The following PELI2 variants were observed in gnomAD, a reference collection of about 807,000 sequenced individuals.
PELI2 encodes the protein E3 ubiquitin-protein ligase pellino homolog 2.
In PELI2, 23 loss-of-function variants were observed where a neutral mutation model predicts 42.3. The ratio of observed to expected loss-of-function variants is 0.54; its 90% CI spans 0.39 to 0.77. The LOEUF (loss-of-function observed/expected upper bound fraction) is 0.77. Among genes scored for constraint, PELI2 ranks in the 30% least tolerant of loss-of-function variants. The pLI, the probability that PELI2 is intolerant of heterozygous loss-of-function variation, is 0.00. For synonymous variants in PELI2, 245 were observed against 212.2 expected, an observed-to-expected ratio of 1.15 and a Z score of -1.34; for missense variants, 463 against 553.2, an observed-to-expected ratio of 0.84 and a Z score of 1.64.
At chr14:56,286,892 A>G (rs367688189) in intron 3 of PELI2, among the ~76,000 whole-genome samples, 2 of 152,234 alleles carry the variant, frequency 1.3e-5, no homozygotes, top group African/African-American at 4.8e-5. Flanking sequence ...GATAAGTGTC[A>G]TGACTTAAAA....
At chr14:56,193,496 T>A (rs74475695) in intron 2 of PELI2, among the ~76,000 whole-genome samples, 1 of 152,160 alleles carries the variant, frequency 6.6e-6, no homozygotes, top group African/African-American at 2.4e-5. Context: ...AAGGGAAATA[T>A]TGTTTCCTAA....
At chr14:56,154,876 CGG>C (rs1884492227) in intron 1 of PELI2, among the ~76,000 whole-genome samples, 1 of 152,104 alleles carries the variant, frequency 6.6e-6, no homozygotes, top group South Asian at 2.1e-4. Context: ...ACATTCTTAA[CGG>C]TAGTATGTTA....
chr14:56,231,553 A>T (rs1010295082), intron 2 of PELI2, among the ~76,000 whole-genome samples: 14 of 152,250 alleles, frequency 9.2e-5, no homozygotes, highest in African/African-American at 3.4e-4. Flanking sequence ...ATGTTCTTTG[A>T]AACCAATGAG....
intron 1 of PELI2, among the ~76,000 whole-genome samples, chr14:56,165,256 A>G (rs1248447148): frequency 6.6e-6 from 1 of 151,916 alleles, no homozygotes; most frequent in Admixed American, 6.6e-5. Context: ...GATATTTTTC[A>G]GTTTCCTTCT....
chr14:56,130,447 T>C lies in PELI2; in HGVS notation c.77+11710T>C, dbSNP rs868563396. The stretch of plus-strand genomic sequence containing the variant: ...AGCAGTTTTGTATGTTTTTATTTTG[T>C]TTTTTTTTAACCAAACCCTTGCCAT... On this transcript the variant is annotated intron_variant, in intron 1 of 5. Transcript: ENST00000267460. Among the ~76,000 whole-genome samples the C allele has an allele frequency of 8.1e-5, 5 of 61,388 alleles. No individual in the cohort carries two copies. The Admixed American group carries it at 9.4e-4, about 12-fold the overall frequency. 40.3% of individuals were successfully genotyped at this position (61,388 alleles called of 152,430 possible).
chr14:56,121,280 A>G (rs1266205337), intron 1 of PELI2, among the ~76,000 whole-genome samples: 2 of 150,646 alleles, frequency 1.3e-5, no homozygotes, highest in African/African-American at 4.9e-5. Context: ...CTTTTTGCTC[A>G]CTTTCGAATG....
At chr14:56,283,240 G>T (rs1408825268) in intron 3 of PELI2, among the ~76,000 whole-genome samples, 3 of 152,150 alleles carry the variant, frequency 2.0e-5, no homozygotes, top group Non-Finnish European at 2.9e-5. Flanking sequence ...GACTTTTTCA[G>T]CTTCCCGTTA....
At chr14:56,178,005 G>A (rs1163119281) in intron 1 of PELI2, among the ~76,000 whole-genome samples, 1 of 152,200 alleles carries the variant, frequency 6.6e-6, no homozygotes, top group African/African-American at 2.4e-5. Flanking sequence ...AATGGTGCTA[G>A]TTGAATTGAG....
rs188150255 is a variant in PELI2 at position 56,236,035 on chromosome 14, T to A, written c.208-43641T>A. ...TGGTCCTAGTGGGATTTCACCTCCC[T>A]CCCCACTATTACTTTAAAAAAATTA... On this transcript the variant is annotated intron_variant, in intron 2 of 5. Transcript: ENST00000267460. Among the ~76,000 whole-genome samples, 96 of 152,342 alleles carry A rather than the reference T, an allele frequency of 6.3e-4. No individual in the cohort carries two copies. The Middle Eastern group carries it at 0.01, about 16-fold the overall frequency.
Position 56,299,811 on chromosome 14 carries a change from T to C in PELI2, c.*2645T>C, listed in dbSNP as rs1382466131. 2.0e-5 allele frequency: 3 copies of C among 152,228 alleles called. No homozygotes were observed. Among genetic ancestry groups the C allele is most frequent in the African/African-American group, 7.2e-5 (3 of 41,456 alleles). The allele number at this position is 152,228 out of a possible 1,614,324, so 9.4% of individuals were successfully genotyped here. A position where few individuals can be genotyped will look rare whatever the true frequency, so the allele number is the denominator to read the frequency against. ...CCAATTAGTTGTCTTGGCCTGACTC[T>C]AATGCCTTTTGCAAGTAGCTTTCCA... On this transcript the variant is annotated 3_prime_UTR_variant, in exon 6 of 6. Transcript: ENST00000267460.
In PELI2 at chr14:56,300,199, C is replaced by G. The variant is rs1555355163; in HGVS notation, c.*3033C>G. 1 of 152,516 alleles carries G rather than the reference C, an allele frequency of 6.6e-6. No homozygotes were observed. The highest frequency in any genetic ancestry group is 1.5e-5 in the Non-Finnish European group (1 of 68,012). The allele number at this position is 152,516 out of a possible 1,614,324, so 9.4% of individuals were successfully genotyped here. On this transcript the variant is annotated 3_prime_UTR_variant, in exon 6 of 6. Coordinates refer to ENST00000267460, the MANE Select transcript of PELI2 (RefSeq NM_021255.3). The stretch of plus-strand genomic sequence containing the variant: ...TTGGTACCTTTGTGCCTCAGGGAAG[C>G]CACGTGATATAACTGGTTATAGAAT...
intron 2 of PELI2, among the ~76,000 whole-genome samples, chr14:56,278,618 A>G (rs1889374525): frequency 6.6e-6 from 1 of 152,182 alleles, no homozygotes; most frequent in South Asian, 2.1e-4. Context: ...TAACCATGAG[A>G]TTAACCAGGC....
intron 5 of PELI2, among the ~76,000 whole-genome samples, chr14:56,295,737 A>G (rs1889979204): frequency 6.6e-6 from 1 of 152,200 alleles, no homozygotes; most frequent in African/African-American, 2.4e-5. Flanking sequence ...ACAGCTAATA[A>G]GTGGGAGAGC....
intron 2 of PELI2, among the ~76,000 whole-genome samples, chr14:56,237,803 CTG>C (rs1357291582): frequency 6.6e-6 from 1 of 151,406 alleles, no homozygotes; most frequent in Non-Finnish European, 1.5e-5. Context: ...TTCATGTTGT[CTG>C]TGTCTTTCTG....
intron 1 of PELI2, among the ~76,000 whole-genome samples, chr14:56,148,074 C>G (rs1028096603): frequency 6.6e-6 from 1 of 152,198 alleles, no homozygotes; most frequent in East Asian, 1.9e-4. Flanking sequence ...CACTTCCTTG[C>G]ACTGGATTCT....
chr14:56,283,632 T>C (rs1889553953), intron 3 of PELI2, among the ~76,000 whole-genome samples: 1 of 152,114 alleles, frequency 6.6e-6, no homozygotes, highest in African/African-American at 2.4e-5. Context: ...GAAATATGGG[T>C]GTTTGAAAGG....
At chr14:56,189,587 A>G (rs1885888384) in intron 2 of PELI2, among the ~76,000 whole-genome samples, 1 of 152,238 alleles carries the variant, frequency 6.6e-6, no homozygotes, top group Non-Finnish European at 1.5e-5. Context: ...ACTACGTGGT[A>G]GCAGTTGATT....
intron 3 of PELI2, among the ~76,000 whole-genome samples, chr14:56,287,203 T>C (rs1196075911): frequency 6.6e-6 from 1 of 152,198 alleles, no homozygotes; most frequent in Admixed American, 6.5e-5. Flanking sequence ...ACTGGGAAAT[T>C]CTAGAATTTA....
chr14:56,211,105 C>G (rs1278785936), intron 2 of PELI2, among the ~76,000 whole-genome samples: 3 of 152,140 alleles, frequency 2.0e-5, no homozygotes, highest in African/African-American at 7.2e-5. Context: ...TCTTGCTACG[C>G]TGTCAACTGA....
Sources: gnomAD v4.1 joint callset for allele counts (sites outside exome capture counted in the v4.1 genomes callset) on GRCh38, gnomAD v4.1.1 for gene constraint, MANE v1.5 for transcripts, NCBI Gene and HGNC (gene_info 2026-07-23, HGNC 2026-07-21) for gene names.